Variants in ZNF704 observed in about 807,000 individuals in gnomAD.
ZNF704 encodes zinc finger protein 704.
Under a neutral mutation model 44.7 loss-of-function variants are expected in ZNF704, and 10 were observed. That is an observed-to-expected ratio of 0.22 (90% CI 0.14 to 0.38). The LOEUF is 0.38. ZNF704 is among the 10% of genes least tolerant of loss of function. The probability of loss-of-function intolerance (pLI) is 1.00; values close to 1 mark genes in which losing one functional copy is unlikely to be tolerated. For synonymous variants in ZNF704, 211 were observed against 207.6 expected (o/e 1.02, Z -0.14); for missense variants, 390 against 545.5 (o/e 0.71, Z 2.84).
intron 1 of ZNF704, among the ~76,000 whole-genome samples, chr8:80,873,125 A>T (rs1298853941): frequency 1.3e-5 from 2 of 152,170 alleles, no homozygotes; most frequent in African/African-American, 4.8e-5. Flanking sequence ...AATAGCCCTC[A>T]AAATAAGGAG....
chr8:80,656,220 G>A (rs1818015319), intron 7 of ZNF704, among the ~76,000 whole-genome samples: 1 of 152,066 alleles, frequency 6.6e-6, no homozygotes. Context: ...GACTGTGCAT[G>A]CACAGTGAGA....
At chr8:80,693,208 C>T in intron 2 of ZNF704, 101 bp from the exon 3 acceptor site, 2 of 950,036 alleles carry the variant, frequency 2.1e-6, no homozygotes, top group Non-Finnish European at 1.7e-6. Context: ...TTAACTTATC[C>T]CCATGAACAA....
At chr8:80,766,157 C>T (rs1024445551) in intron 2 of ZNF704, among the ~76,000 whole-genome samples, 16 of 152,162 alleles carry the variant, frequency 1.1e-4, no homozygotes, top group African/African-American at 3.6e-4. Context: ...TTATGTGACT[C>T]GCTTCCCTGT....
chr8:80,672,112 T>C (rs1585940200), intron 4 of ZNF704, among the ~76,000 whole-genome samples: 1 of 151,988 alleles, frequency 6.6e-6, no homozygotes, highest in African/African-American at 2.4e-5. Flanking sequence ...TCAAAGGACA[T>C]GAACAGACAT....
chr8:80,722,995 TC>T (rs1210245887), intron 2 of ZNF704, among the ~76,000 whole-genome samples: 1 of 152,222 alleles, frequency 6.6e-6, no homozygotes, highest in Non-Finnish European at 1.5e-5. Flanking sequence ...GGTTTCCAAT[TC>T]TTTGGTTTCA....
At chr8:80,702,282 G>A (rs1046297704) in intron 2 of ZNF704, among the ~76,000 whole-genome samples, 2 of 152,170 alleles carry the variant, frequency 1.3e-5, no homozygotes, top group African/African-American at 4.8e-5. Flanking sequence ...AGGTTTCTCT[G>A]TGGAGAGTGG....
intron 2 of ZNF704, among the ~76,000 whole-genome samples, chr8:80,714,271 G>C (rs962400560): frequency 2.6e-5 from 4 of 152,156 alleles, no homozygotes; most frequent in Non-Finnish European, 5.9e-5. Context: ...TGTATCCCTA[G>C]AGCTGAACAC....
At chr8:80,843,237 T>C in intron 1 of ZNF704, among the ~76,000 whole-genome samples, 1 of 152,258 alleles carries the variant, frequency 6.6e-6, no homozygotes, top group East Asian at 1.9e-4. Flanking sequence ...GGACTTTATA[T>C]ATAGTTTTAC....
At chr8:80,815,420 G>A (rs1219292633) in intron 2 of ZNF704, among the ~76,000 whole-genome samples, 4 of 152,158 alleles carry the variant, frequency 2.6e-5, no homozygotes, top group African/African-American at 4.8e-5. Context: ...GAAATCCAAC[G>A]AATTTAAGCA....
Position 80,852,285 on chromosome 8 carries a change from G to A in ZNF704, c.-22+22286C>T, listed in dbSNP as rs370401344. 9.2e-5 allele frequency among the ~76,000 whole-genome samples: 14 copies of A among 152,300 alleles called. 1 individual carries two copies. The highest frequency in any genetic ancestry group is 3.4e-4 in the African/African-American group (14 of 41,558). ...GGAATGAATGAAATATTTTGGGGATGTGCTTCCACATTTTCATACTTATGA... is the reference window on the plus strand; with the variant it reads ...GGAATGAATGAAATATTTTGGGGATATGCTTCCACATTTTCATACTTATGA... On this transcript the variant is annotated intron_variant, in intron 1 of 8. Coordinates refer to ENST00000327835, the MANE Select transcript of ZNF704 (RefSeq NM_001033723.3).
rs1185485910 is a variant in ZNF704 at position 80,664,918 on chromosome 8, C to T, written c.824G>A (p.Arg275Gln). 10 of 1,613,992 alleles carry T rather than the reference C, an allele frequency of 6.2e-6. No homozygotes were observed. Among genetic ancestry groups the T allele is most frequent in the African/African-American group, 2.7e-5 (2 of 74,894 alleles). The change falls in exon 6 of 9, where the codon CGA becomes CAA. Residue 275 changes from arginine to glutamine, a missense_variant. By Grantham distance (43) the Arg-to-Gln change is conservative. Around this residue, in one of 3 missense-constraint regions of ZNF704, gnomAD observed 305 missense variants for 435.7 expected, o/e 0.70. Transcript: ENST00000327835. The part of the protein sequence containing the change: ...PPTFPIPDSS[R>Q]TETPCAKTET... Reference sequence around the variant, plus strand: ...CGTTTTGGCACAAGGAGTTTCTGTTCGGCTTGAATCTGGGATGGGGAAAGT... The same window carrying T: ...CGTTTTGGCACAAGGAGTTTCTGTTTGGCTTGAATCTGGGATGGGGAAAGT...
At chr8:80,863,134 A>T (rs1809097680) in intron 1 of ZNF704, among the ~76,000 whole-genome samples, 1 of 152,150 alleles carries the variant, frequency 6.6e-6, no homozygotes, top group Non-Finnish European at 1.5e-5. Context: ...TATTTTTATA[A>T]ATTCTAAGAT....
intron 7 of ZNF704, among the ~76,000 whole-genome samples, 165 bp from the exon 8 acceptor site, chr8:80,643,294 C>T (rs1039975538): frequency 3.9e-5 from 6 of 151,954 alleles, no homozygotes; most frequent in African/African-American, 7.2e-5. Flanking sequence ...CCAAGGAGGG[C>T]GGATCACTTG....
intron 2 of ZNF704, among the ~76,000 whole-genome samples, chr8:80,733,649 TA>T (rs1806618914): frequency 6.6e-6 from 1 of 152,186 alleles, no homozygotes; most frequent in Non-Finnish European, 1.5e-5. Flanking sequence ...TTTATTCCCT[TA>T]TCCTACAGGG....
chr8:80,645,797 C>T (rs1817821546), intron 7 of ZNF704, among the ~76,000 whole-genome samples: 1 of 152,208 alleles, frequency 6.6e-6, no homozygotes, highest in Admixed American at 6.5e-5. Flanking sequence ...TATAGCAATG[C>T]AAGTATGGCC....
intron 2 of ZNF704, among the ~76,000 whole-genome samples, chr8:80,792,949 C>T (rs1435082108): frequency 6.6e-6 from 1 of 152,218 alleles, no homozygotes; most frequent in African/African-American, 2.4e-5. Flanking sequence ...GAAACTGATG[C>T]ATGTTGTTTC....
rs199692985 is a variant in ZNF704 at position 80,860,957 on chromosome 8, T to TG, written c.-22+13613dup. Among the ~76,000 whole-genome samples the TG allele has an allele frequency of 5.4e-3, 821 of 152,034 alleles. 4 individuals are homozygous for TG. Among genetic ancestry groups the TG allele is most frequent in the African/African-American group, 0.017 (722 of 41,470 alleles). On this transcript the variant is annotated intron_variant, in intron 1 of 8. Transcript: ENST00000327835. ...GTAGACAGAAATGAGAGATGGGTGG[T>TG]GGGGGGGCAGGAAGTCTTCCACTTA...
At chr8:80,754,228 A>C (rs1196480584) in intron 2 of ZNF704, among the ~76,000 whole-genome samples, 4 of 152,128 alleles carry the variant, frequency 2.6e-5, no homozygotes, top group African/African-American at 9.7e-5. Context: ...GAAATGTAGA[A>C]TACTAACGGG....
intron 2 of ZNF704, among the ~76,000 whole-genome samples, chr8:80,730,012 A>T (rs1806551400): frequency 6.6e-6 from 1 of 152,114 alleles, no homozygotes. Context: ...CCTACTAAAC[A>T]AATTAGGCAG....
Sources: allele counts gnomAD v4.1 joint callset (sites outside exome capture counted in the v4.1 genomes callset), GRCh38; gene constraint gnomAD v4.1.1; regional missense constraint gnomAD v4.1.1; transcripts MANE v1.5; gene names NCBI Gene and HGNC (gene_info 2026-07-23, HGNC 2026-07-21).